KIF1A: variants seen among roughly 807,000 people sequenced by gnomAD.
KIF1A encodes the protein kinesin-like protein KIF1A.
Under a neutral mutation model 227.3 loss-of-function variants are expected in KIF1A, and 46 were observed. The ratio of observed to expected loss-of-function variants is 0.20; its 90% CI spans 0.16 to 0.26. The LOEUF is 0.26. KIF1A is among the 10% of genes least tolerant of loss of function. KIF1A has a pLI of 1.00. For missense variants in KIF1A, 1,683 were observed against 2,485.9 expected (o/e 0.68, Z 6.87); for synonymous variants, 1,022 against 1,012.8 (o/e 1.01, Z -0.17).
chr2:240,758,584 C>T lies in KIF1A; in HGVS notation c.2445-87G>A. Reference sequence around the variant, plus strand: ...ACCCTTATCTCCTGGGGACAGTGGGCTCAGCCTAGCTCTGGCCACCACATC... The same window carrying T: ...ACCCTTATCTCCTGGGGACAGTGGGTTCAGCCTAGCTCTGGCCACCACATC... On this transcript the variant is annotated intron_variant, in intron 25 of 48. Coordinates refer to ENST00000498729, the MANE Select transcript of KIF1A (RefSeq NM_001244008.2). The surrounding 1 kb of genome is among the most constrained non-coding windows in gnomAD (Gnocchi z 5.2). 1.5e-6 allele frequency: 2 copies of T among 1,334,980 alleles called. No homozygotes were observed. Among genetic ancestry groups the T allele is most frequent in the African/African-American group, 1.5e-5 (1 of 67,348 alleles). 82.7% of individuals were successfully genotyped at this position (1,334,980 alleles called of 1,614,324 possible).
chr2:240,715,691 G>A lies in KIF1A; in HGVS notation c.*1673C>T, dbSNP rs576072415. On this transcript the variant is annotated 3_prime_UTR_variant, in exon 49 of 49. Coordinates refer to ENST00000498729, the MANE Select transcript of KIF1A (RefSeq NM_001244008.2). ...GCCCGTGCTCCCCCACTCCTGAGCC[G>A]CTGTCTCTCCCCCAGGCATGGGATT... 49 of 152,456 alleles carry A rather than the reference G, an allele frequency of 3.2e-4. No homozygotes were observed. Among genetic ancestry groups the A allele is most frequent in the Middle Eastern group, 3.4e-3 (1 of 294 alleles). 9.4% of individuals were successfully genotyped at this position (152,456 alleles called of 1,614,324 possible).
chr2:240,788,980 A>G lies in KIF1A; in HGVS notation c.183+256T>C, dbSNP rs2055299588. On this transcript the variant is annotated intron_variant, in intron 3 of 48. Transcript: ENST00000498729. The surrounding 1 kb of genome is among the most constrained non-coding windows in gnomAD (Gnocchi z 6.6). Reference sequence around the variant, plus strand: ...TCTGACTTTGGGATGTCTGGGGGAAAAGTCACCAGCAGATGGACGTACACA... The same window carrying G: ...TCTGACTTTGGGATGTCTGGGGGAAGAGTCACCAGCAGATGGACGTACACA... Among the ~76,000 whole-genome samples, 1 of 152,066 alleles carries G rather than the reference A, an allele frequency of 6.6e-6. No homozygotes were observed. The highest frequency in any genetic ancestry group is 1.5e-5 in the Non-Finnish European group (1 of 67,996).
intron 42 of KIF1A, among the ~76,000 whole-genome samples, chr2:240,723,051 G>C (rs968676070): frequency 6.6e-6 from 1 of 152,136 alleles, no homozygotes; most frequent in South Asian, 2.1e-4. Flanking sequence ...ACACACACTC[G>C]GCCCGAGGCA....
chr2:240,736,920 A>G lies in KIF1A; in HGVS notation c.4007+143T>C, dbSNP rs2047385335. 1 of 680,694 alleles carries G rather than the reference A, an allele frequency of 1.5e-6. No homozygotes were observed. The highest frequency in any genetic ancestry group is 2.6e-6 in the Non-Finnish European group (1 of 381,382). 42.2% of individuals were successfully genotyped at this position (680,694 alleles called of 1,614,324 possible). A position where few individuals can be genotyped will look rare whatever the true frequency, so the allele number is the denominator to read the frequency against. On this transcript the variant is annotated intron_variant, in intron 38 of 48. Transcript: ENST00000498729. The surrounding 1 kb of genome is among the most constrained non-coding windows in gnomAD (Gnocchi z 4.7). Reference sequence around the variant, plus strand: ...AGAGGCCACCAGCCCCTCACCGCACAGCTCCTGCAGGTGCCAGGAGGGAGG... The same window carrying G: ...AGAGGCCACCAGCCCCTCACCGCACGGCTCCTGCAGGTGCCAGGAGGGAGG...
intron 24 of KIF1A, 118 bp downstream of exon 24, chr2:240,761,111 T>C: frequency 7.9e-7 from 1 of 1,262,482 alleles, no homozygotes; most frequent in Non-Finnish European, 1.1e-6. Flanking sequence ...GCAGGGCTGC[T>C]ATGCCACCCC....
At chr2:240,742,819 G>A (rs2048144082) in intron 34 of KIF1A, 110 bp downstream of exon 34, 3 of 1,010,948 alleles carry the variant, frequency 3.0e-6, no homozygotes, top group South Asian at 1.4e-5. Flanking sequence ...TGCCTGGGAG[G>A]GCACAGCCCA....
intron 33 of KIF1A, among the ~76,000 whole-genome samples, chr2:240,743,517 G>A (rs997259718): frequency 3.9e-5 from 6 of 152,174 alleles, no homozygotes; most frequent in Non-Finnish European, 8.8e-5. Flanking sequence ...AAGTCTCTCT[G>A]AGCCCCCATT....
intron 2 of KIF1A, among the ~76,000 whole-genome samples, chr2:240,797,389 G>C (rs1399101573): frequency 6.6e-6 from 1 of 152,194 alleles, no homozygotes; most frequent in Non-Finnish European, 1.5e-5. Context: ...TAGGAGCTCA[G>C]AGAGAGTGAG....
chr2:240,754,843 T>C lies in KIF1A; in HGVS notation c.2858+2476A>G, dbSNP rs894413837. Among the ~76,000 whole-genome samples, 15 of 151,364 alleles carry C rather than the reference T, an allele frequency of 9.9e-5. 1 individual carries two copies. The highest frequency in any genetic ancestry group is 7.9e-4 in the Admixed American group (12 of 15,212). On this transcript the variant is annotated intron_variant, in intron 27 of 48. Coordinates refer to ENST00000498729, the MANE Select transcript of KIF1A (RefSeq NM_001244008.2). ...GGGCCCCAGCCCACCAAGAGCACCA[T>C]GTGGGACCCAAGGGAGTGGCGTGGC...
At chr2:240,721,155 T>C in intron 44 of KIF1A, 117 bp from the exon 45 acceptor site, 5 of 1,332,202 alleles carry the variant, frequency 3.8e-6, no homozygotes, top group Non-Finnish European at 5.2e-6. Context: ...ACCCCACCCC[T>C]CCTACCAGCA....
Position 240,746,194 on chromosome 2 carries a change from C to A in KIF1A, c.3064-17G>T. Reference sequence around the variant, plus strand: ...GGACTGGAACTGATCAGAGGGGGACCAGAGTCAGAGAGAGCCAGGAGCCAG... The same window carrying A: ...GGACTGGAACTGATCAGAGGGGGACAAGAGTCAGAGAGAGCCAGGAGCCAG... On this transcript the variant is annotated splice_polypyrimidine_tract_variant and intron_variant, in intron 29 of 48. Transcript: ENST00000498729. 1 of 1,554,276 alleles carries A rather than the reference C, an allele frequency of 6.4e-7. No homozygotes were observed.
At chr2:240,770,931 C>T (rs529906410) in intron 15 of KIF1A, 40 bp downstream of exon 15, 2 of 1,602,600 alleles carry the variant, frequency 1.2e-6, no homozygotes, top group Non-Finnish European at 1.7e-6. Context: ...CTCCCCACTC[C>T]CAGAGTCTGA....
rs1164587792 is a variant in KIF1A at position 240,757,965 on chromosome 2, C to T, written c.2583-371G>A. Among the ~76,000 whole-genome samples, 3 of 152,144 alleles carry T rather than the reference C, an allele frequency of 2.0e-5. No individual in the cohort carries two copies. The highest frequency in any genetic ancestry group is 4.2e-4 in the South Asian group (2 of 4,816). ...TGGGTGCAGACCCCAGACTGGAGAC[C>T]GGGGAAGGAGGCAGCCATTTGTAAG... On this transcript the variant is annotated intron_variant, in intron 26 of 48. Coordinates refer to ENST00000498729, the MANE Select transcript of KIF1A (RefSeq NM_001244008.2). The surrounding 1 kb of genome is among the most constrained non-coding windows in gnomAD (Gnocchi z 6.2).
rs2053081039 is a variant in KIF1A at position 240,778,511 on chromosome 2, T to TACACACACACACACACACACACACCC, written c.883-2586_883-2585insGGGTGTGTGTGTGTGTGTGTGTGTGT. ...GGCGCTCGCAGCTCCCGCACAGCGT[T>TACACACACACACACACACACACACCC]ACACACACACACACACACACACACA... On this transcript the variant is annotated intron_variant, in intron 10 of 48. Coordinates refer to ENST00000498729, the MANE Select transcript of KIF1A (RefSeq NM_001244008.2). This position sits in a 1 kb window ranked among gnomAD's most constrained non-coding sequence, Gnocchi z 7.2. Among the ~76,000 whole-genome samples the TACACACACACACACACACACACACCC allele has an allele frequency of 7.5e-6, 1 of 134,128 alleles. No homozygotes were observed. The highest frequency in any genetic ancestry group is 1.6e-5 in the Non-Finnish European group (1 of 63,808). 88.0% of individuals were successfully genotyped at this position (134,128 alleles called of 152,430 possible).
At chr2:240,769,911 A>G (rs1363715107) in intron 15 of KIF1A, among the ~76,000 whole-genome samples, 2 of 152,204 alleles carry the variant, frequency 1.3e-5, no homozygotes, top group Non-Finnish European at 2.9e-5. Flanking sequence ...AATGGAGAAA[A>G]CGCAAAACAA....
intron 4 of KIF1A, 135 bp downstream of exon 4, chr2:240,787,916 G>T: frequency 2.5e-6 from 2 of 809,214 alleles, no homozygotes; most frequent in Non-Finnish European, 3.9e-6. Context: ...CCCCACTCTT[G>T]ACCCAGCTGG....
intron 29 of KIF1A, among the ~76,000 whole-genome samples, chr2:240,746,857 C>T (rs769107924): frequency 2.0e-5 from 3 of 152,126 alleles, no homozygotes; most frequent in Admixed American, 6.5e-5. Flanking sequence ...AAGGAGCAGG[C>T]GAAGGGGGCA....
chr2:240,789,439 T>G lies in KIF1A; in HGVS notation c.107-127A>C. The G allele has an allele frequency of 1.4e-6, 1 of 733,998 alleles. No homozygotes were observed. Among genetic ancestry groups the G allele is most frequent in the South Asian group, 1.7e-5 (1 of 60,442 alleles). 45.5% of individuals were successfully genotyped at this position (733,998 alleles called of 1,614,324 possible). A position where few individuals can be genotyped will look rare whatever the true frequency, so the allele number is the denominator to read the frequency against. ...CCCCAGACAAGCCAGGCCCCCAAATTGGAGGGGACCTAGGACCCCACTCCC... is the reference window on the plus strand; with the variant it reads ...CCCCAGACAAGCCAGGCCCCCAAATGGGAGGGGACCTAGGACCCCACTCCC... On this transcript the variant is annotated intron_variant, in intron 2 of 48. Transcript: ENST00000498729. The surrounding 1 kb of genome is among the most constrained non-coding windows in gnomAD (Gnocchi z 4.8).
intron 2 of KIF1A, among the ~76,000 whole-genome samples, chr2:240,796,640 G>A (rs180988688): frequency 2.2e-3 from 340 of 152,278 alleles, no homozygotes; most frequent in Non-Finnish European, 3.4e-3. Context: ...CCCCACAGCC[G>A]CAGCAGCCTC....
Sources: allele counts gnomAD v4.1 joint callset (sites outside exome capture counted in the v4.1 genomes callset), GRCh38; gene constraint gnomAD v4.1.1; non-coding constraint Gnocchi (gnomAD v3.1); transcripts MANE v1.5; gene names NCBI Gene and HGNC (gene_info 2026-07-23, HGNC 2026-07-21).